PTPDC1: variants seen among roughly 807,000 people sequenced by gnomAD.
PTPDC1 encodes the protein protein tyrosine phosphatase domain-containing protein 1.
Under a neutral mutation model 75.3 loss-of-function variants are expected in PTPDC1, and 53 were observed. The ratio of observed to expected loss-of-function variants is 0.70; its 90% CI spans 0.56 to 0.88. PTPDC1 has a LOEUF of 0.88. Ranked by LOEUF, PTPDC1 falls within the 40% of genes least tolerant of loss-of-function variation. The probability of loss-of-function intolerance (pLI) is 0.00; values close to 1 mark genes in which losing one functional copy is unlikely to be tolerated. For missense variants in PTPDC1, 925 were observed against 998.6 expected (o/e 0.93, Z 0.99); for synonymous variants, 349 against 366.2 (o/e 0.95, Z 0.54).
intron 2 of PTPDC1, among the ~76,000 whole-genome samples, chr9:94,076,554 G>A (rs1468540556): frequency 6.6e-6 from 1 of 152,056 alleles, no homozygotes; most frequent in Non-Finnish European, 1.5e-5. Flanking sequence ...TTTCCATTGT[G>A]TAGATATTTA....
At chr9:94,045,969 T>C (rs1043566815) in intron 1 of PTPDC1, among the ~76,000 whole-genome samples, 3 of 152,256 alleles carry the variant, frequency 2.0e-5, no homozygotes, top group Admixed American at 6.5e-5. Context: ...AGAGTTTTTA[T>C]GGTTTTAGGT....
chr9:94,058,860 A>C (rs1826038219), intron 1 of PTPDC1, among the ~76,000 whole-genome samples: 1 of 152,008 alleles, frequency 6.6e-6, no homozygotes, highest in Non-Finnish European at 1.5e-5. Flanking sequence ...GCATGGTAGC[A>C]CATGCCTGTA....
chr9:94,098,129 C>G lies in PTPDC1; in HGVS notation c.1563C>G (p.Leu521=). ...SQSKFGGLEG[L]KDNGSPIFHG... ...CAAAGTTTGGAGGCCTGGAAGGACT[C>G]AAAGATAATGGGTCACCAATTTTCC... Residue 521 remains leucine, a synonymous_variant, in exon 6 of 9, where the codon CTC becomes CTG. Transcript: ENST00000620992. The G allele has an allele frequency of 6.2e-7, 1 of 1,614,176 alleles. No individual in the cohort carries two copies. Among genetic ancestry groups the G allele is most frequent in the Non-Finnish European group, 8.5e-7 (1 of 1,180,044 alleles).
intron 2 of PTPDC1, among the ~76,000 whole-genome samples, chr9:94,072,963 T>C (rs1291937900): frequency 6.6e-6 from 1 of 152,172 alleles, no homozygotes; most frequent in Admixed American, 6.5e-5. Context: ...TCAGGATTGA[T>C]GTGGGACTAT....
intron 1 of PTPDC1, among the ~76,000 whole-genome samples, chr9:94,061,323 T>G (rs975356614): frequency 2.6e-5 from 4 of 152,206 alleles, no homozygotes; most frequent in African/African-American, 9.7e-5. Context: ...GCTGCTCTCA[T>G]GGGCTGGCAT....
At chr9:94,105,044 C>G (rs973923886) in intron 8 of PTPDC1, among the ~76,000 whole-genome samples, 1 of 152,116 alleles carries the variant, frequency 6.6e-6, no homozygotes, top group Non-Finnish European at 1.5e-5. Context: ...AACAAAGAAC[C>G]CAGCTTTTGA....
rs543215172 is a variant in PTPDC1 at position 94,043,928 on chromosome 9, A to G, written c.-7+12801A>G. ...TTGTTGAAAAAACTTTTCTTTCTCC[A>G]TTGGATTGTCTTTGCACCTTTTTCA... On this transcript the variant is annotated intron_variant, in intron 1 of 9. Transcript: ENST00000375360. 7.2e-5 allele frequency among the ~76,000 whole-genome samples: 11 copies of G among 152,270 alleles called. No homozygotes were observed. The South Asian group carries it at 2.3e-3, about 32-fold the overall frequency.
intron 7 of PTPDC1, among the ~76,000 whole-genome samples, chr9:94,102,672 C>CG (rs1439525794): frequency 2.6e-5 from 4 of 152,014 alleles, no homozygotes; most frequent in Admixed American, 1.3e-4. Flanking sequence ...CTCTGCCCCC[C>CG]GGGTTCAAGC....
At chr9:94,096,180 A>C (rs1384538211) in intron 5 of PTPDC1, among the ~76,000 whole-genome samples, 1 of 152,232 alleles carries the variant, frequency 6.6e-6, no homozygotes, top group Non-Finnish European at 1.5e-5. Context: ...ATCTGATCCA[A>C]CCACATGCAG....
chr9:94,084,500 T>C lies in PTPDC1; in HGVS notation c.-31T>C, dbSNP rs1662338078. Reference sequence around the variant, plus strand: ...CTCACTGAGTGAGTGGGGCTGACTCTTCCTGCCTCCGGCTCTTGCCTCCCA... The same window carrying C: ...CTCACTGAGTGAGTGGGGCTGACTCCTCCTGCCTCCGGCTCTTGCCTCCCA... On this transcript the variant is annotated 5_prime_UTR_variant, in exon 1 of 9. Transcript: ENST00000620992. 2 of 1,604,828 alleles carry C rather than the reference T, an allele frequency of 1.2e-6. No homozygotes were observed. Among genetic ancestry groups the C allele is most frequent in the Non-Finnish European group, 1.7e-6 (2 of 1,179,698 alleles).
intron 4 of PTPDC1, among the ~76,000 whole-genome samples, chr9:94,091,296 TG>T (rs1485665017): frequency 6.6e-6 from 1 of 152,206 alleles, no homozygotes; most frequent in African/African-American, 2.4e-5. Flanking sequence ...TATGAAGGGT[TG>T]TTGAATTTTG....
At chr9:94,042,848 G>A (rs1221520322) in intron 1 of PTPDC1, among the ~76,000 whole-genome samples, 1 of 152,156 alleles carries the variant, frequency 6.6e-6, no homozygotes, top group African/African-American at 2.4e-5. Flanking sequence ...TATCAACCAA[G>A]TTTAAGGAAT....
At chr9:94,031,822 T>G (rs750072259) in intron 1 of PTPDC1, among the ~76,000 whole-genome samples, 10 of 152,220 alleles carry the variant, frequency 6.6e-5, no homozygotes, top group Non-Finnish European at 1.2e-4. Flanking sequence ...GAAACACTGC[T>G]TTAGGGAGGT....
At chr9:94,053,556 A>G (rs1825847401) in intron 1 of PTPDC1, among the ~76,000 whole-genome samples, 1 of 152,186 alleles carries the variant, frequency 6.6e-6, no homozygotes. Flanking sequence ...ACATAAACCT[A>G]GATACAATAA....
chr9:94,107,708 A>G (rs1828070791), intron 8 of PTPDC1, 120 bp from the exon 9 acceptor site: 2 of 503,144 alleles, frequency 4.0e-6, no homozygotes, highest in Non-Finnish European at 7.1e-6. Context: ...TATTATGTGT[A>G]TTTTATATAG....
At chr9:94,031,005 G>A (rs1402762823) in exon 1 of PTPDC1, 1 of 152,120 alleles carries the variant, frequency 6.6e-6, no homozygotes, top group Non-Finnish European at 1.5e-5. Context: ...CAGACCCTCC[G>A]CGGGGCAGCG....
At chr9:94,101,824 A>C (rs1827853792) in intron 7 of PTPDC1, 73 bp downstream of exon 7, 1 of 864,486 alleles carries the variant, frequency 1.2e-6, no homozygotes, top group Non-Finnish European at 1.7e-6. Context: ...AAAAAAATCC[A>C]TTATAAAAAA....
intron 2 of PTPDC1, among the ~76,000 whole-genome samples, chr9:94,072,790 TTTC>T (rs1188621195): frequency 6.6e-6 from 1 of 152,210 alleles, no homozygotes; most frequent in East Asian, 1.9e-4. Flanking sequence ...TCATATGATT[TTTC>T]TTCTTTAGCC....
chr9:94,043,713 C>T (rs552996655), intron 1 of PTPDC1, among the ~76,000 whole-genome samples: 71 of 152,070 alleles, frequency 4.7e-4, no homozygotes, highest in African/African-American at 1.6e-3. Context: ...AGAGTGAGAC[C>T]CTGTCTCAAA....
Sources: gnomAD v4.1 joint callset for allele counts (sites outside exome capture counted in the v4.1 genomes callset) on GRCh38, gnomAD v4.1.1 for gene constraint, MANE v1.5 for transcripts, NCBI Gene and HGNC (gene_info 2026-07-23, HGNC 2026-07-21) for gene names.